OSBPL10: variants seen among roughly 807,000 people sequenced by gnomAD.
OSBPL10 encodes the protein oxysterol-binding protein-related protein 10.
Under a neutral mutation model 81.7 loss-of-function variants are expected in OSBPL10, and 49 were observed. The observed-to-expected ratio is 0.60, with a 90% CI of 0.48 to 0.76. The LOEUF (loss-of-function observed/expected upper bound fraction) is 0.76, where lower values mean the gene tolerates loss of function less well. Ranked by LOEUF, OSBPL10 falls within the 30% of genes least tolerant of loss-of-function variation. The pLI is 0.00. For missense variants in OSBPL10, 923 were observed against 987.8 expected, an observed-to-expected ratio of 0.93 and a Z score of 0.88; for synonymous variants, 419 against 383.6, an observed-to-expected ratio of 1.09 and a Z score of -1.08.
At chr3:31,697,913 C>T (rs969202287) in intron 7 of OSBPL10, among the ~76,000 whole-genome samples, 1 of 152,074 alleles carries the variant, frequency 6.6e-6, no homozygotes, top group Non-Finnish European at 1.5e-5. Context: ...CAGGCACCCA[C>T]CACCACGCCC....
rs777948934 is a variant in OSBPL10, at chr3:31,683,937, C to T, written c.1423G>A (p.Ala475Thr). 10 of 1,614,220 alleles carry T rather than the reference C, an allele frequency of 6.2e-6. No homozygotes were observed. The highest frequency in any genetic ancestry group is 8.5e-6 in the Non-Finnish European group (10 of 1,180,048). ...ATGATGGGGTTGTAGGGCTTCTTGG[C>T]TAAAGCGCCCTTGCGGCCCTCGTGA... ...AFHEGRKGAL[A>T]KKPYNPIIGE... The change falls in exon 8 of 12, where the codon GCC (alanine) becomes ACC (threonine). Residue 475 changes from alanine to threonine, a missense_variant. Ala to Thr is a moderately conservative substitution (Grantham distance 58). This residue lies in a region of OSBPL10 where 387 missense variants were observed against 436.3 expected (regional missense o/e 0.89). Transcript: ENST00000396556.
chr3:31,758,356 A>G (rs1697945028), intron 4 of OSBPL10, among the ~76,000 whole-genome samples: 1 of 152,222 alleles, frequency 6.6e-6, no homozygotes, highest in Admixed American at 6.5e-5. Flanking sequence ...AACCAAGTAA[A>G]CAGATACCAC....
At chr3:31,994,249 G>A (rs371250376) in intron 2 of OSBPL10, among the ~76,000 whole-genome samples, 2 of 152,184 alleles carry the variant, frequency 1.3e-5, no homozygotes, top group South Asian at 4.1e-4. Flanking sequence ...CTAGAAAGAG[G>A]TAGCTAGACA....
In OSBPL10 at chr3:31,661,997, A is replaced by G; in HGVS notation, c.*75T>C. 4.5e-6 allele frequency: 7 copies of G among 1,571,594 alleles called. No individual in the cohort carries two copies. The Admixed American group carries it at 7.6e-5, about 17-fold the overall frequency. On this transcript the variant is annotated 3_prime_UTR_variant, in exon 12 of 12. Transcript: ENST00000396556. Reference sequence around the variant, plus strand: ...TACAAGGTCTCAGTGAATGCCAACAAAACCCTGATACTCTACTACTTTAAT... The same window carrying G: ...TACAAGGTCTCAGTGAATGCCAACAGAACCCTGATACTCTACTACTTTAAT...
intron 3 of OSBPL10, among the ~76,000 whole-genome samples, chr3:31,839,503 C>G (rs1700440828): frequency 1.3e-5 from 2 of 151,472 alleles, no homozygotes; most frequent in Non-Finnish European, 1.5e-5. Context: ...AAATATGAAG[C>G]AGGGATAGAA....
chr3:31,986,142 A>G (rs987146011), upstream of OSBPL10: 12 of 152,246 alleles, frequency 7.9e-5, no homozygotes, highest in African/African-American at 2.9e-4. Flanking sequence ...TGATCCTCTC[A>G]TTACCACTCT....
intron 3 of OSBPL10, among the ~76,000 whole-genome samples, chr3:31,870,147 T>G (rs1244653788): frequency 1.3e-5 from 2 of 152,222 alleles, no homozygotes; most frequent in Non-Finnish European, 2.9e-5. Flanking sequence ...GAACCGGGGC[T>G]GCGCACTGCG....
intron 8 of OSBPL10, among the ~76,000 whole-genome samples, chr3:31,675,625 G>A (rs544086869): frequency 2.0e-5 from 3 of 152,112 alleles, no homozygotes; most frequent in East Asian, 1.9e-4. Flanking sequence ...CAGCCCTCTC[G>A]ATGGGTATCA....
rs894110985 is a variant in OSBPL10 at position 31,942,421 on chromosome 3, C to T, written c.281+38478G>A. The stretch of plus-strand genomic sequence containing the variant: ...GCTGGGTGGCGGGCACCTGTAATCC[C>T]AGCTACAAGAGGCTGAGAGAGGAGA... On this transcript the variant is annotated intron_variant, in intron 1 of 11. Coordinates refer to ENST00000396556, the MANE Select transcript of OSBPL10 (RefSeq NM_017784.5). Among the ~76,000 whole-genome samples, 7 of 151,296 alleles carry T rather than the reference C, an allele frequency of 4.6e-5. No homozygotes were observed. The East Asian group carries it at 1.2e-3, about 25-fold the overall frequency.
chr3:31,949,667 C>CAAAA lies in OSBPL10; in HGVS notation c.281+31228_281+31231dup, dbSNP rs56002214. Among the ~76,000 whole-genome samples, 250 of 26,266 alleles carry CAAAA rather than the reference C, an allele frequency of 9.5e-3. 40 individuals are homozygous for CAAAA. The highest frequency in any genetic ancestry group is 0.013 in the African/African-American group (78 of 6,066). 17.2% of individuals were successfully genotyped at this position (26,266 alleles called of 152,430 possible). A position where few individuals can be genotyped will look rare whatever the true frequency, so the allele number is the denominator to read the frequency against. On this transcript the variant is annotated intron_variant, in intron 1 of 11. Coordinates refer to ENST00000396556, the MANE Select transcript of OSBPL10 (RefSeq NM_017784.5). ...TGGGCAACAGAGCAAGACTCTGTCTCAAAAAAAAAAAAAAAAAAAAAAAAA... is the reference window on the plus strand; with the variant it reads ...TGGGCAACAGAGCAAGACTCTGTCTCAAAAAAAAAAAAAAAAAAAAAAAAAAAAA...
intron 4 of OSBPL10, among the ~76,000 whole-genome samples, chr3:31,808,929 A>T (rs1470558584): frequency 6.6e-6 from 1 of 152,214 alleles, no homozygotes; most frequent in African/African-American, 2.4e-5. Flanking sequence ...ATCAATTAAT[A>T]CCTCTTCTGG....
At chr3:31,797,149 G>A (rs146913021) in intron 4 of OSBPL10, among the ~76,000 whole-genome samples, 12 of 151,714 alleles carry the variant, frequency 7.9e-5, no homozygotes, top group African/African-American at 2.4e-4. Flanking sequence ...CATGCGCCAC[G>A]ACGCCCAGCT....
intron 4 of OSBPL10, among the ~76,000 whole-genome samples, chr3:31,823,138 A>T (rs1001835994): frequency 6.6e-6 from 1 of 152,338 alleles, no homozygotes; most frequent in South Asian, 2.1e-4. Flanking sequence ...AAATGCTATC[A>T]GTCAGAGAAC....
At chr3:31,810,664 C>T (rs947227572) in intron 4 of OSBPL10, among the ~76,000 whole-genome samples, 27 of 152,150 alleles carry the variant, frequency 1.8e-4, no homozygotes, top group African/African-American at 6.5e-4. Context: ...AAAGGAGATG[C>T]CAATAGCTTC....
intron 3 of OSBPL10, among the ~76,000 whole-genome samples, chr3:31,831,305 C>T (rs1310950246): frequency 6.6e-6 from 1 of 151,802 alleles, no homozygotes; most frequent in Non-Finnish European, 1.5e-5. Context: ...ACTCAGGAGG[C>T]TGAGGCAGGA....
chr3:32,030,562 C>T (rs1383470130), intron 2 of OSBPL10: 6 of 786,398 alleles, frequency 7.6e-6, no homozygotes, highest in Non-Finnish European at 1.4e-5. Flanking sequence ...CAAAGACAAA[C>T]GTACCTGGGT....
intron 4 of OSBPL10, among the ~76,000 whole-genome samples, chr3:31,772,991 G>A (rs112461864): frequency 1.3e-5 from 2 of 149,740 alleles, no homozygotes; most frequent in East Asian, 3.9e-4. Context: ...CCTGGGTAAC[G>A]TGACCAAACT....
At chr3:31,861,668 C>A (rs1440031490) in intron 3 of OSBPL10, among the ~76,000 whole-genome samples, 1 of 152,154 alleles carries the variant, frequency 6.6e-6, no homozygotes, top group Non-Finnish European at 1.5e-5. Flanking sequence ...CAAGTTTGCA[C>A]TGGTTATCTA....
intron 4 of OSBPL10, among the ~76,000 whole-genome samples, chr3:31,761,251 A>C: frequency 6.6e-6 from 1 of 152,090 alleles, no homozygotes; most frequent in Non-Finnish European, 1.5e-5. Flanking sequence ...AGGTAGGCAG[A>C]TCATGAGGTC....
Sources: allele counts gnomAD v4.1 joint callset (sites outside exome capture counted in the v4.1 genomes callset), GRCh38; gene constraint gnomAD v4.1.1; regional missense constraint gnomAD v4.1.1; transcripts MANE v1.5; gene names NCBI Gene and HGNC (gene_info 2026-07-23, HGNC 2026-07-21).